The following TPH2 variants were observed in gnomAD, a reference collection of about 807,000 sequenced individuals.
TPH2 encodes tryptophan hydroxylase 2.
A neutral mutation model predicts 59.1 loss-of-function variants in TPH2; 27 were observed. The observed-to-expected ratio is 0.46, with a 90% CI of 0.34 to 0.63. The LOEUF (loss-of-function observed/expected upper bound fraction) is 0.63, where lower values mean the gene tolerates loss of function less well. TPH2 is among the 30% of genes least tolerant of loss of function. TPH2 has a pLI of 0.01. For missense variants in TPH2, 523 were observed against 588.3 expected (o/e 0.89, Z 1.15); for synonymous variants, 220 against 210.5 (o/e 1.05, Z -0.39).
At chr12:71,941,856 C>T (rs952412679) in intron 2 of TPH2, 123 bp downstream of exon 2, 18 of 1,136,060 alleles carry the variant, frequency 1.6e-5, no homozygotes, top group Non-Finnish European at 2.3e-5. Context: ...TTCAAAGGAA[C>T]CAAACTTCGT....
intron 5 of TPH2, chr12:71,964,424 A>G: frequency 1.2e-6 from 1 of 856,606 alleles, no homozygotes; most frequent in Non-Finnish European, 1.4e-6. Flanking sequence ...CTGGAATTAT[A>G]GGCACACGCC....
chr12:72,028,739 G>C (rs932363646), intron 9 of TPH2, among the ~76,000 whole-genome samples: 9 of 152,210 alleles, frequency 5.9e-5, no homozygotes, highest in Admixed American at 4.6e-4. Context: ...TGGGTGGAAA[G>C]GTCTCCAGCA....
chr12:71,944,388 C>G lies in TPH2; in HGVS notation c.350C>G (p.Thr117Arg). The stretch of plus-strand genomic sequence containing the variant: ...TTTGTGGACTGTGAGTGTGGGAAAA[C>G]AGAATTCAATGAGCTCATTCAGTTG... ...EIFVDCECGK[T>R]EFNELIQLLK... The change falls in exon 3 of 11, where the codon ACA (threonine) becomes AGA (arginine). Residue 117 changes from threonine to arginine, a missense_variant. Physicochemically the swap from Thr to Arg is moderately conservative, Grantham distance 71. Coordinates refer to ENST00000333850, the MANE Select transcript of TPH2 (RefSeq NM_173353.4). The G allele has an allele frequency of 6.2e-7, 1 of 1,613,906 alleles. No homozygotes were observed.
At chr12:71,986,630 C>T (rs373675771) in intron 7 of TPH2, among the ~76,000 whole-genome samples, 31 of 131,350 alleles carry the variant, frequency 2.4e-4, no homozygotes, top group Admixed American at 3.2e-4. Flanking sequence ...AGCCACCCTT[C>T]TTTTTTTTTT....
chr12:71,967,463 G>A (rs919016904), intron 5 of TPH2, among the ~76,000 whole-genome samples: 7 of 152,190 alleles, frequency 4.6e-5, no homozygotes, highest in African/African-American at 1.4e-4. Context: ...CTGAACACTG[G>A]TTCCATATCG....
At chr12:72,020,644 G>A (rs1040969214) in intron 8 of TPH2, among the ~76,000 whole-genome samples, 19 of 151,906 alleles carry the variant, frequency 1.3e-4, no homozygotes, top group East Asian at 3.9e-4. Context: ...GCACCACCAC[G>A]CCCAGCTAAT....
intron 8 of TPH2, among the ~76,000 whole-genome samples, chr12:72,010,893 C>A (rs1873084009): frequency 6.6e-6 from 1 of 152,168 alleles, no homozygotes; most frequent in Non-Finnish European, 1.5e-5. Flanking sequence ...TGAGAGTGCG[C>A]TCATCAGTTT....
intron 8 of TPH2, among the ~76,000 whole-genome samples, chr12:71,995,165 ATGTTATAGTATCTTCCTAAAAC>A (rs922097387): frequency 4.6e-5 from 7 of 152,202 alleles, no homozygotes; most frequent in Admixed American, 3.9e-4. Flanking sequence ...GATTTAATGG[ATGTTATAGTATCTTCCTAAAAC>A]TGAAGTTCTT....
intron 5 of TPH2, among the ~76,000 whole-genome samples, chr12:71,952,787 T>A (rs931648745): frequency 6.6e-5 from 10 of 152,248 alleles, no homozygotes; most frequent in African/African-American, 2.4e-4. Flanking sequence ...TGCCCAACAA[T>A]AAGACCCATT....
rs146667593 is a variant in TPH2, at chr12:72,022,417, G to A, written c.1087G>A (p.Glu363Lys). The A allele has an allele frequency of 6.2e-6, 10 of 1,613,726 alleles. No homozygotes were observed. The highest frequency in any genetic ancestry group is 1.1e-5 in the South Asian group (1 of 91,070). ...KLATCYFFTI[E>K]FGLCKQEGQL... ...TCTTCAGTGCTATTTCTTCACAATC[G>A]AGTTTGGCCTTTGCAAGCAAGAAGG... The change falls in exon 9 of 11, where the codon GAG becomes AAG. Residue 363 changes from glutamate (E) to lysine (K), a missense_variant. Physicochemically the swap from Glu to Lys is moderately conservative, Grantham distance 56. Transcript: ENST00000333850.
intron 5 of TPH2, among the ~76,000 whole-genome samples, chr12:71,954,376 A>C (rs1871435929): frequency 6.6e-6 from 1 of 152,226 alleles, no homozygotes; most frequent in African/African-American, 2.4e-5. Flanking sequence ...AGAAGATCTG[A>C]GAATGAACGC....
chr12:72,008,694 A>G (rs1474806362), intron 8 of TPH2, among the ~76,000 whole-genome samples: 2 of 152,192 alleles, frequency 1.3e-5, no homozygotes, highest in African/African-American at 2.4e-5. Context: ...GTGTAAGACC[A>G]TAATGCAGAA....
intron 8 of TPH2, among the ~76,000 whole-genome samples, chr12:72,001,286 G>A (rs552627826): frequency 1.3e-5 from 2 of 152,156 alleles, no homozygotes; most frequent in Admixed American, 6.5e-5. Context: ...TTGGCTAAGG[G>A]TAATGAGGGA....
chr12:71,948,613 G>A (rs981467515), intron 4 of TPH2, among the ~76,000 whole-genome samples: 32 of 152,272 alleles, frequency 2.1e-4, no homozygotes, highest in African/African-American at 5.5e-4. Flanking sequence ...GCCTTTGTGG[G>A]CCTCACCCTG....
chr12:71,958,110 G>T (rs924923818), intron 5 of TPH2, among the ~76,000 whole-genome samples: 1 of 152,128 alleles, frequency 6.6e-6, no homozygotes, highest in South Asian at 2.1e-4. Flanking sequence ...CTTACTAAAG[G>T]TTACACAGCT....
At chr12:71,972,856 T>A in intron 6 of TPH2, 141 bp downstream of exon 6, 2 of 859,938 alleles carry the variant, frequency 2.3e-6, no homozygotes, top group Non-Finnish European at 3.6e-6. Flanking sequence ...AACAATTACC[T>A]GCGGCCACCT....
intron 7 of TPH2, among the ~76,000 whole-genome samples, chr12:71,986,153 T>G (rs183198136): frequency 2.0e-5 from 3 of 152,276 alleles, no homozygotes; most frequent in Admixed American, 1.3e-4. Flanking sequence ...CTCTCTCAGC[T>G]CCCAGTATGA....
chr12:72,011,155 A>G (rs377426068), intron 8 of TPH2, among the ~76,000 whole-genome samples: 1 of 152,210 alleles, frequency 6.6e-6, no homozygotes, highest in East Asian at 1.9e-4. Context: ...TCATTTGGAA[A>G]AAGATAGAAC....
intron 8 of TPH2, among the ~76,000 whole-genome samples, chr12:72,014,163 G>A (rs1243701312): frequency 1.4e-4 from 21 of 151,966 alleles, no homozygotes; most frequent in Admixed American, 1.3e-3. Flanking sequence ...TGTGACATGA[G>A]TGGCTTGTGA....
Sources: gnomAD v4.1 joint callset for allele counts (sites outside exome capture counted in the v4.1 genomes callset) on GRCh38, gnomAD v4.1.1 for gene constraint, MANE v1.5 for transcripts, NCBI Gene and HGNC (gene_info 2026-07-23, HGNC 2026-07-21) for gene names.